Variants in NEGR1 observed in about 807,000 individuals in gnomAD.
NEGR1 encodes the protein IgLON family member 4.
In NEGR1, 10 loss-of-function variants were observed where a neutral mutation model predicts 40.9. That is an observed-to-expected ratio of 0.24 (90% CI 0.15 to 0.42). The LOEUF is 0.42. NEGR1 is among the 10% of genes least tolerant of loss of function. The pLI, the probability that NEGR1 is intolerant of heterozygous loss-of-function variation, is 1.00. For missense variants in NEGR1, 352 were observed against 438.9 expected (o/e 0.80, Z 1.77); for synonymous variants, 185 against 166.8 (o/e 1.11, Z -0.84).
At chr1:72,101,943 T>C (rs1053988306) in intron 1 of NEGR1, among the ~76,000 whole-genome samples, 1 of 152,174 alleles carries the variant, frequency 6.6e-6, no homozygotes, top group Non-Finnish European at 1.5e-5. Flanking sequence ...AAATACATGT[T>C]AGTTCTTTAC....
intron 1 of NEGR1, among the ~76,000 whole-genome samples, chr1:72,157,685 G>C (rs1344364478): frequency 6.6e-6 from 1 of 152,028 alleles, no homozygotes; most frequent in African/African-American, 2.4e-5. Flanking sequence ...TAAAGACAAA[G>C]AAAACCTACT....
intron 6 of NEGR1, among the ~76,000 whole-genome samples, chr1:71,550,561 A>G (rs78685082): frequency 0.029 from 4,450 of 151,506 alleles, 192 homozygotes; most frequent in African/African-American, 0.084. Flanking sequence ...ACTCTCATTC[A>G]GGCTGTAAAC....
At chr1:71,707,312 G>A (rs985647580) in intron 3 of NEGR1, among the ~76,000 whole-genome samples, 5 of 152,118 alleles carry the variant, frequency 3.3e-5, no homozygotes, top group Non-Finnish European at 5.9e-5. Flanking sequence ...ATTCACACAA[G>A]CTGACCTAAG....
chr1:72,148,465 C>A (rs1650994068), intron 1 of NEGR1, among the ~76,000 whole-genome samples: 1 of 152,076 alleles, frequency 6.6e-6, no homozygotes, highest in Admixed American at 6.6e-5. Context: ...TGGGGACTAA[C>A]ATTAGGCTCC....
At chr1:72,086,522 T>C (rs1289550609) in intron 1 of NEGR1, among the ~76,000 whole-genome samples, 1 of 152,240 alleles carries the variant, frequency 6.6e-6, no homozygotes, top group Non-Finnish European at 1.5e-5. Flanking sequence ...CCCAAATTTA[T>C]TCACAACATG....
chr1:71,690,465 G>T (rs1046621015), intron 4 of NEGR1, among the ~76,000 whole-genome samples: 5 of 151,340 alleles, frequency 3.3e-5, no homozygotes, highest in South Asian at 2.1e-4. Flanking sequence ...TTTAGCAAAA[G>T]GCACCCTGCG....
intron 1 of NEGR1, among the ~76,000 whole-genome samples, chr1:71,942,452 A>AATATATATAT (rs1409165579): frequency 0.015 from 505 of 34,232 alleles, 3 homozygotes; most frequent in Non-Finnish European, 0.024. Context: ...AAATTCTTTA[A>AATATATATAT]ATCTATATAT....
intron 2 of NEGR1, among the ~76,000 whole-genome samples, chr1:71,847,012 T>A (rs1659441146): frequency 6.6e-6 from 1 of 152,166 alleles, no homozygotes; most frequent in African/African-American, 2.4e-5. Flanking sequence ...TCTCCCACAG[T>A]ACTTACTCTC....
Position 71,698,150 on chromosome 1 carries a change from G to A in NEGR1, c.536-11C>T, listed in dbSNP as rs1175676570. ...TTTCAAATGGTTTTGCTATAAAAAA[G>A]AATACAGCATGTTTAATTGTAGCCG... On this transcript the variant is annotated splice_polypyrimidine_tract_variant and intron_variant, in intron 3 of 6. Coordinates refer to ENST00000357731, the MANE Select transcript of NEGR1 (RefSeq NM_173808.3). The A allele has an allele frequency of 1.9e-6, 3 of 1,607,882 alleles. No individual in the cohort carries two copies. Among genetic ancestry groups the A allele is most frequent in the African/African-American group, 1.3e-5 (1 of 74,532 alleles).
intron 2 of NEGR1, among the ~76,000 whole-genome samples, chr1:71,934,226 A>C (rs1318571815): frequency 6.6e-6 from 1 of 152,164 alleles, no homozygotes; most frequent in Non-Finnish European, 1.5e-5. Context: ...GTAAAAGGTA[A>C]AAAATAAACG....
At chr1:71,927,742 G>A (rs1218473389) in intron 2 of NEGR1, among the ~76,000 whole-genome samples, 4 of 148,034 alleles carry the variant, frequency 2.7e-5, no homozygotes, top group Admixed American at 2.1e-4. Context: ...CACTTTGGGA[G>A]GCTGGCCGAG....
chr1:71,475,893 A>C (rs1297860478), intron 6 of NEGR1, among the ~76,000 whole-genome samples: 1 of 151,938 alleles, frequency 6.6e-6, no homozygotes, highest in Non-Finnish European at 1.5e-5. Context: ...TAATATCTTC[A>C]ATAATTATTT....
intron 1 of NEGR1, among the ~76,000 whole-genome samples, chr1:72,205,733 C>T (rs1329167824): frequency 1.3e-5 from 1 of 78,014 alleles, no homozygotes; most frequent in Non-Finnish European, 2.4e-5. Context: ...CCAGCCCGGG[C>T]AAATGGCAAA....
intron 3 of NEGR1, among the ~76,000 whole-genome samples, chr1:71,729,735 A>G (rs755902277): frequency 2.0e-5 from 3 of 152,072 alleles, no homozygotes; most frequent in Non-Finnish European, 4.4e-5. Flanking sequence ...CTGGGGCTCA[A>G]GTGATTCTTC....
intron 2 of NEGR1, among the ~76,000 whole-genome samples, chr1:71,930,782 A>G (rs1055672541): frequency 2.0e-5 from 3 of 152,212 alleles, no homozygotes; most frequent in African/African-American, 4.8e-5. Context: ...GGGACGGAAG[A>G]AGAAGGAGAT....
At chr1:71,486,833 A>G (rs188125718) in intron 6 of NEGR1, 1 of 151,692 alleles carries the variant, frequency 6.6e-6, no homozygotes, top group East Asian at 1.9e-4. Flanking sequence ...TACTGTAAAT[A>G]ATACCTAACA....
At chr1:71,910,792 G>T (rs969499240) in intron 2 of NEGR1, among the ~76,000 whole-genome samples, 5 of 152,064 alleles carry the variant, frequency 3.3e-5, no homozygotes, top group African/African-American at 1.2e-4. Context: ...CGGCTTCGCA[G>T]GCTCAGGTGG....
chr1:71,676,308 G>A (rs1652635223), intron 4 of NEGR1, among the ~76,000 whole-genome samples: 1 of 151,998 alleles, frequency 6.6e-6, no homozygotes, highest in Non-Finnish European at 1.5e-5. Flanking sequence ...ATGAAAATAT[G>A]GGGAGTCAAT....
intron 6 of NEGR1, among the ~76,000 whole-genome samples, chr1:71,408,318 G>C (rs529393523): frequency 3.3e-5 from 5 of 152,148 alleles, no homozygotes; most frequent in South Asian, 2.1e-4. Flanking sequence ...TAGACCTCTA[G>C]ACAGGTAGAA....
Sources: allele counts gnomAD v4.1 joint callset (sites outside exome capture counted in the v4.1 genomes callset), GRCh38; gene constraint gnomAD v4.1.1; transcripts MANE v1.5; gene names NCBI Gene and HGNC (gene_info 2026-07-23, HGNC 2026-07-21).